SOCS6: variants seen among roughly 807,000 people sequenced by gnomAD.
SOCS6 encodes suppressor of cytokine signaling 6, also known as STAT induced STAT inhibitor-4.
Under a neutral mutation model 27.7 loss-of-function variants are expected in SOCS6, and 5 were observed. That is an observed-to-expected ratio of 0.18 (90% CI 0.09 to 0.38). SOCS6 has a LOEUF of 0.38. Among genes scored for constraint, SOCS6 ranks in the 10% least tolerant of loss-of-function variants. The pLI, the probability that SOCS6 is intolerant of heterozygous loss-of-function variation, is 1.00. For synonymous variants in SOCS6, 271 were observed against 260.0 expected (o/e 1.04, Z -0.41); for missense variants, 595 against 688.1 (o/e 0.86, Z 1.51).
At chr18:70,303,004 A>G (rs999171549) in intron 1 of SOCS6, among the ~76,000 whole-genome samples, 14 of 152,210 alleles carry the variant, frequency 9.2e-5, no homozygotes, top group Admixed American at 7.9e-4. Flanking sequence ...TTTAAAAAAA[A>G]GTAAGAACAA....
chr18:70,301,851 A>G (rs1050021934), intron 1 of SOCS6, among the ~76,000 whole-genome samples: 1 of 152,120 alleles, frequency 6.6e-6, no homozygotes, highest in Non-Finnish European at 1.5e-5. Flanking sequence ...ATATGAAAGG[A>G]AAAGGAGTGG....
intron 1 of SOCS6, among the ~76,000 whole-genome samples, chr18:70,290,604 C>A (rs928190606): frequency 2.0e-4 from 30 of 152,306 alleles, no homozygotes; most frequent in African/African-American, 7.0e-4. Context: ...TTGGTTCAAA[C>A]ACCCTCCCTA....
At chr18:70,308,472 T>A (rs1224978546) in intron 1 of SOCS6, among the ~76,000 whole-genome samples, 2 of 152,138 alleles carry the variant, frequency 1.3e-5, no homozygotes, top group Admixed American at 1.3e-4. Flanking sequence ...TCCTCCTGCC[T>A]TTTCCTCCCA....
At position 70,325,460 on chromosome 18, in the gene SOCS6, G is replaced by C. The variant is rs1911166738; in HGVS notation, c.792G>C (p.Glu264Asp). 2 of 1,614,066 alleles carry C rather than the reference G, an allele frequency of 1.2e-6. No homozygotes were observed. The highest frequency in any genetic ancestry group is 1.7e-5 in the Admixed American group (1 of 60,008). The stretch of plus-strand genomic sequence containing the variant: ...AAGTGGGAGGGCGCGCTTTCCCCGA[G>C]GATGAGAGTCAGGTAGACCAGGACC... The part of the protein sequence containing the change: ...PPQVGGRAFP[E>D]DESQVDQDLV... Residue 264 changes from glutamate to aspartate, a missense_variant, in exon 2 of 2, where the codon GAG becomes GAC. This residue lies in a region of SOCS6 where 467 missense variants were observed against 481.1 expected (regional missense o/e 0.97). Coordinates refer to ENST00000397942, the MANE Select transcript of SOCS6 (RefSeq NM_004232.4). The surrounding 1 kb of genome is among the most constrained non-coding windows in gnomAD (Gnocchi z 6.3).
At chr18:70,316,978 CT>C (rs2062414006) in intron 1 of SOCS6, among the ~76,000 whole-genome samples, 1 of 152,134 alleles carries the variant, frequency 6.6e-6, no homozygotes. Context: ...GTTTAATTGC[CT>C]TTGCAAAGCA....
chr18:70,324,453 G>A (rs915798373), intron 1 of SOCS6, 90 bp from the exon 2 acceptor site: 20 of 409,822 alleles, frequency 4.9e-5, no homozygotes, highest in African/African-American at 1.2e-4. Context: ...GGGTGTTCTC[G>A]TTCAGAAGTT....
intron 1 of SOCS6, among the ~76,000 whole-genome samples, chr18:70,324,068 C>T (rs1275880046): frequency 8.6e-5 from 13 of 151,992 alleles, no homozygotes; most frequent in African/African-American, 2.9e-4. Context: ...TTTGGGAGGC[C>T]GAGGCGGGCG....
At chr18:70,295,536 A>G (rs41360646) in intron 1 of SOCS6, among the ~76,000 whole-genome samples, 3,952 of 152,286 alleles carry the variant, frequency 0.026, 193 homozygotes, top group African/African-American at 0.088. Flanking sequence ...GTTTTCAGTA[A>G]TGTATTACCA....
intron 1 of SOCS6, among the ~76,000 whole-genome samples, chr18:70,309,575 T>C (rs1267027397): frequency 6.6e-6 from 1 of 152,246 alleles, no homozygotes; most frequent in Admixed American, 6.5e-5. Context: ...AATCACTCCA[T>C]GTATCTTTAC....
intron 1 of SOCS6, among the ~76,000 whole-genome samples, chr18:70,289,918 G>A (rs932623605): frequency 3.3e-5 from 5 of 152,178 alleles, no homozygotes; most frequent in African/African-American, 1.2e-4. Flanking sequence ...CTCAGGGGCA[G>A]ATCCTGGCAC....
At chr18:70,290,607 C>A (rs559244025) in intron 1 of SOCS6, among the ~76,000 whole-genome samples, 15 of 152,250 alleles carry the variant, frequency 9.9e-5, no homozygotes, top group Admixed American at 6.5e-4. Context: ...GTTCAAACAC[C>A]CTCCCTAAGC....
intron 1 of SOCS6, among the ~76,000 whole-genome samples, chr18:70,319,871 C>T (rs955106706): frequency 8.5e-5 from 13 of 152,094 alleles, no homozygotes; most frequent in African/African-American, 1.9e-4. Context: ...CTAAAAACAA[C>T]GATCGACAGA....
In SOCS6 at chr18:70,326,026, C is replaced by T; in HGVS notation, c.1358C>T (p.Ser453Phe). Residue 453 changes from serine (S) to phenylalanine (F), a missense_variant, in exon 2 of 2, where the codon TCC (serine) becomes TTC (phenylalanine). This residue lies in a region of SOCS6 where 128 missense variants were observed against 207.0 expected (regional missense o/e 0.62). Coordinates refer to ENST00000397942, the MANE Select transcript of SOCS6 (RefSeq NM_004232.4). ...YEQPDVEGHT[S>F]IVDLIEHSIR... ...CAGCCAGATGTGGAAGGACATACGTCCATAGTTGATCTAATTGAGCATTCA... is the reference window on the plus strand; with the variant it reads ...CAGCCAGATGTGGAAGGACATACGTTCATAGTTGATCTAATTGAGCATTCA... 6.2e-7 allele frequency: 1 copy of T among 1,614,214 alleles called. No homozygotes were observed. Among genetic ancestry groups the T allele is most frequent in the Non-Finnish European group, 8.5e-7 (1 of 1,180,030 alleles).
In SOCS6 at chr18:70,324,945, A is replaced by G. The variant is rs149490841; in HGVS notation, c.277A>G (p.Thr93Ala). 3 of 1,614,194 alleles carry G rather than the reference A, an allele frequency of 1.9e-6. No individual in the cohort carries two copies. Among genetic ancestry groups the G allele is most frequent in the Non-Finnish European group, 2.5e-6 (3 of 1,180,034 alleles). Residue 93 changes from threonine (T) to alanine (A), a missense_variant, in exon 2 of 2, where the codon ACA becomes GCA. Thr to Ala is a moderately conservative substitution (Grantham distance 58). Coordinates refer to ENST00000397942, the MANE Select transcript of SOCS6 (RefSeq NM_004232.4). ...ACAGAAGTCAAAAGGCAAGGCGGGCACACCCTCTGGGAGCTCTGCCGACGA... is the reference window on the plus strand; with the variant it reads ...ACAGAAGTCAAAAGGCAAGGCGGGCGCACCCTCTGGGAGCTCTGCCGACGA... The part of the protein sequence containing the change: ...AKQKSKGKAG[T>A]PSGSSADEDT...
chr18:70,315,855 TG>T (rs1200060417), intron 1 of SOCS6, among the ~76,000 whole-genome samples: 7 of 152,210 alleles, frequency 4.6e-5, no homozygotes, highest in East Asian at 1.9e-4. Context: ...TATTTTGATA[TG>T]TTTTTTTGTT....
Position 70,316,589 on chromosome 18 carries a change from C to T in SOCS6, c.-126-7954C>T, listed in dbSNP as rs186046284. Among the ~76,000 whole-genome samples the T allele has an allele frequency of 2.6e-3, 398 of 152,070 alleles. 3 individuals carry two copies. Among genetic ancestry groups the T allele is most frequent in the Admixed American group, 0.022 (335 of 15,262 alleles). ...GAATTATACTTTTCATAATGTGCCC[C>T]TTTTCATTTTGTTTGACCAGTTTAT... On this transcript the variant is annotated intron_variant, in intron 1 of 1. Coordinates refer to ENST00000397942, the MANE Select transcript of SOCS6 (RefSeq NM_004232.4).
At chr18:70,305,713 A>T (rs1375501701) in intron 1 of SOCS6, among the ~76,000 whole-genome samples, 5 of 152,194 alleles carry the variant, frequency 3.3e-5, no homozygotes, top group Non-Finnish European at 7.3e-5. Context: ...AATTATTTAG[A>T]ATCTCTATAT....
intron 1 of SOCS6, among the ~76,000 whole-genome samples, chr18:70,297,771 G>T (rs1443900197): frequency 6.6e-6 from 1 of 152,180 alleles, no homozygotes; most frequent in African/African-American, 2.4e-5. Flanking sequence ...AATGATCAAT[G>T]AATGAAGTTT....
rs1289385714 is a variant in SOCS6, at chr18:70,329,126, A to G, written c.*2850A>G. 3 of 167,094 alleles carry G rather than the reference A, an allele frequency of 1.8e-5. No homozygotes were observed. Among genetic ancestry groups the G allele is most frequent in the Non-Finnish European group, 4.4e-5 (3 of 68,106 alleles). 10.4% of individuals were successfully genotyped at this position (167,094 alleles called of 1,614,324 possible). A position where few individuals can be genotyped will look rare whatever the true frequency, so the allele number is the denominator to read the frequency against. On this transcript the variant is annotated 3_prime_UTR_variant, in exon 2 of 2. Coordinates refer to ENST00000397942, the MANE Select transcript of SOCS6 (RefSeq NM_004232.4). ...TACTATAACACTATTATGCATTTTT[A>G]TAAATAAGAAGAAGGCTGTAGAAAG...
Sources: gnomAD v4.1 joint callset for allele counts (sites outside exome capture counted in the v4.1 genomes callset) on GRCh38, gnomAD v4.1.1 for gene constraint, gnomAD v4.1.1 regional missense constraint, Gnocchi (gnomAD v3.1) non-coding constraint, MANE v1.5 for transcripts, NCBI Gene and HGNC (gene_info 2026-07-23, HGNC 2026-07-21) for gene names.